The following RAB27B variants were observed in gnomAD, a reference collection of about 807,000 sequenced individuals.
RAB27B encodes RAB27B, member RAS oncogene family.
In RAB27B, 15 loss-of-function variants were observed where a neutral mutation model predicts 24.6. That is an observed-to-expected ratio of 0.61 (90% CI 0.41 to 0.94). The LOEUF (loss-of-function observed/expected upper bound fraction) is 0.94. Ranked by LOEUF, RAB27B falls within the 40% of genes least tolerant of loss-of-function variation. The pLI, the probability that RAB27B is intolerant of heterozygous loss-of-function variation, is 0.00. For synonymous variants in RAB27B, 105 were observed against 92.5 expected (o/e 1.14, Z -0.78); for missense variants, 261 against 266.8 (o/e 0.98, Z 0.15).
intron 2 of RAB27B, among the ~76,000 whole-genome samples, chr18:54,734,519 G>C (rs1246799923): frequency 1.3e-5 from 2 of 152,098 alleles, no homozygotes; most frequent in East Asian, 1.9e-4. Context: ...TAAGGACAAA[G>C]GACAGTAAAA....
At chr18:54,824,175 G>T (rs1178307597), upstream of RAB27B, among the ~76,000 whole-genome samples, 1 of 152,108 alleles carries the variant, frequency 6.6e-6, no homozygotes, top group East Asian at 1.9e-4. Context: ...TCTCTTGTTG[G>T]CATTCCCAAT....
chr18:54,878,623 C>G (rs2145273989), intron 2 of RAB27B, among the ~76,000 whole-genome samples: 1 of 152,282 alleles, frequency 6.6e-6, no homozygotes, highest in South Asian at 2.1e-4. Context: ...CCTGCCTTCT[C>G]TCCTTTCCAG....
intron 2 of RAB27B, among the ~76,000 whole-genome samples, chr18:54,742,459 G>A (rs139520902): frequency 6.6e-6 from 1 of 152,112 alleles, no homozygotes; most frequent in Non-Finnish European, 1.5e-5. Context: ...GGAAGTTGGG[G>A]TCAGTCATAC....
At position 54,888,124 on chromosome 18, in the gene RAB27B, T is replaced by G. The variant is rs1313031213; in HGVS notation, c.467+6T>G. On this transcript the variant is annotated splice_donor_region_variant and intron_variant, in intron 5 of 5. Coordinates refer to ENST00000262094, the MANE Select transcript of RAB27B (RefSeq NM_004163.4). The stretch of plus-strand genomic sequence containing the variant: ...GAACTGGCTGACAAATATGGGTAAG[T>G]CAGTTACACTGAGATGGCATGTGAC... 1 of 1,612,236 alleles carries G rather than the reference T, an allele frequency of 6.2e-7. No individual in the cohort carries two copies. Among genetic ancestry groups the G allele is most frequent in the South Asian group, 1.1e-5 (1 of 90,770 alleles).
In RAB27B at chr18:54,733,651, C is replaced by CCG. The variant is rs1555651339; in HGVS notation, c.-20+15511_-20+15512insGC. On this transcript the variant is annotated intron_variant, in intron 2 of 4. Transcript: ENST00000586570. ...TTAGGTGAAATCTTCTGTTCTAGAG[C>CCG]CCCCCCCCCCCAAATTTGCTAAGCT... Among the ~76,000 whole-genome samples, 7 of 23,428 alleles carry CCG rather than the reference C, an allele frequency of 3.0e-4. No homozygotes were observed. The East Asian group carries it at 5.6e-3, about 19-fold the overall frequency. The allele number at this position is 23,428 out of a possible 152,430, so 15.4% of individuals were successfully genotyped here. A position where few individuals can be genotyped will look rare whatever the true frequency, so the allele number is the denominator to read the frequency against.
At chr18:54,867,280 T>C (rs1297101409) in intron 1 of RAB27B, among the ~76,000 whole-genome samples, 1 of 152,082 alleles carries the variant, frequency 6.6e-6, no homozygotes, top group African/African-American at 2.4e-5. Context: ...CAATTAGGTG[T>C]GGTGTTCTAC....
rs547318787 is a variant in RAB27B at position 54,817,548 on chromosome 18, G to A, written c.-19-60019G>A. Among the ~76,000 whole-genome samples the A allele has an allele frequency of 3.3e-5, 5 of 152,262 alleles. No individual in the cohort carries two copies. The East Asian group carries it at 9.7e-4, about 29-fold the overall frequency. ...ATGGCTTTGTCGGAAATCTGGATTA[G>A]TTGGAGAGTCTTGCAAGTAATTTAG... is the stretch of plus-strand genomic sequence containing the variant. On this transcript the variant is annotated intron_variant, in intron 2 of 4. Coordinates refer to the RAB27B transcript ENST00000586570.
chr18:54,826,407 T>A (rs1279414877), upstream of RAB27B, among the ~76,000 whole-genome samples: 1 of 152,200 alleles, frequency 6.6e-6, no homozygotes, highest in Non-Finnish European at 1.5e-5. Context: ...ATTTCTCTTA[T>A]GTCTTCCTAC....
chr18:54,870,518 G>C (rs75764434), intron 1 of RAB27B, among the ~76,000 whole-genome samples: 4,740 of 152,146 alleles, frequency 0.031, 254 homozygotes, highest in African/African-American at 0.11. Flanking sequence ...AGTGAAAGTG[G>C]ATAAGAAAAC....
chr18:54,778,762 C>A (rs1447926024), intron 2 of RAB27B, among the ~76,000 whole-genome samples: 1 of 152,076 alleles, frequency 6.6e-6, no homozygotes, highest in Non-Finnish European at 1.5e-5. Context: ...AGGCATCCTG[C>A]ACTTCTTGCC....
intron 2 of RAB27B, among the ~76,000 whole-genome samples, chr18:54,726,045 G>A (rs1377023449): frequency 2.0e-5 from 3 of 151,380 alleles, no homozygotes; most frequent in Non-Finnish European, 4.4e-5. Flanking sequence ...AGTTAGAGTG[G>A]AACTAATTTA....
At chr18:54,770,732 C>CT (rs80227672) in intron 2 of RAB27B, among the ~76,000 whole-genome samples, 34 of 149,562 alleles carry the variant, frequency 2.3e-4, no homozygotes, top group South Asian at 1.3e-3. Flanking sequence ...TTTCTTTGAT[C>CT]TTTTTTTTTT....
At chr18:54,887,094 C>A (rs183829400) in intron 4 of RAB27B, among the ~76,000 whole-genome samples, 3 of 142,264 alleles carry the variant, frequency 2.1e-5, no homozygotes, top group Non-Finnish European at 4.6e-5. Flanking sequence ...TCTCCTCCCC[C>A]CTCCGCCCAC....
At chr18:54,888,882 A>G (rs1438458263) in intron 5 of RAB27B, among the ~76,000 whole-genome samples, 1 of 152,148 alleles carries the variant, frequency 6.6e-6, no homozygotes, top group Non-Finnish European at 1.5e-5. Context: ...AAGGGAAGCA[A>G]TATTTTAATA....
intron 1 of RAB27B, among the ~76,000 whole-genome samples, chr18:54,844,130 C>T: frequency 6.6e-6 from 1 of 152,102 alleles, no homozygotes. Flanking sequence ...TATAGTTTTT[C>T]AATATATCAA....
At chr18:54,739,443 C>T (rs140409185) in intron 2 of RAB27B, among the ~76,000 whole-genome samples, 9 of 129,254 alleles carry the variant, frequency 7.0e-5, no homozygotes, top group African/African-American at 1.6e-4. Flanking sequence ...GCAACAAGAG[C>T]GAAACTCCAT....
At chr18:54,824,160 T>G (rs932583244), upstream of RAB27B, among the ~76,000 whole-genome samples, 1 of 152,208 alleles carries the variant, frequency 6.6e-6, no homozygotes, top group African/African-American at 2.4e-5. Flanking sequence ...TAGGTTAGGG[T>G]TAATTCTCTT....
At chr18:54,840,365 G>A (rs1911061035) in intron 1 of RAB27B, among the ~76,000 whole-genome samples, 1 of 152,128 alleles carries the variant, frequency 6.6e-6, no homozygotes, top group Non-Finnish European at 1.5e-5. Context: ...AAGTAGTTAT[G>A]ACTAAAAACA....
At chr18:54,849,342 T>G (rs1911461977) in intron 1 of RAB27B, among the ~76,000 whole-genome samples, 1 of 152,228 alleles carries the variant, frequency 6.6e-6, no homozygotes. Context: ...TTATTATCTT[T>G]AACAGCTCTT....
Sources: gnomAD v4.1 joint callset for allele counts (sites outside exome capture counted in the v4.1 genomes callset) on GRCh38, gnomAD v4.1.1 for gene constraint, MANE v1.5 for transcripts, NCBI Gene and HGNC (gene_info 2026-07-23, HGNC 2026-07-21) for gene names.